Variants in SMAD6 observed in about 807,000 individuals in gnomAD.
SMAD6 encodes the protein MAD homolog 6.
A neutral mutation model predicts 39.4 loss-of-function variants in SMAD6; 103 were observed. The ratio of observed to expected loss-of-function variants is 2.62; its 90% CI spans 2.23 to 3.08. The LOEUF is 3.08. SMAD6 is among the 30% of genes most tolerant of loss of function. SMAD6 has a pLI of 0.00. For missense variants in SMAD6, 1,104 were observed against 742.9 expected (o/e 1.49, Z -5.65); for synonymous variants, 445 against 353.3 (o/e 1.26, Z -2.91).
intron 3 of SMAD6, among the ~76,000 whole-genome samples, chr15:66,744,116 C>T (rs1274794498): frequency 6.6e-6 from 1 of 152,196 alleles, no homozygotes; most frequent in African/African-American, 2.4e-5. Context: ...AAGGCTGTAT[C>T]CGTTTTCTCT....
In SMAD6 at chr15:66,750,429, C is replaced by G. The variant is rs1010202753; in HGVS notation, c.953-30568C>G. Among the ~76,000 whole-genome samples, 15 of 152,192 alleles carry G rather than the reference C, an allele frequency of 9.9e-5. 1 individual carries two copies. The highest frequency in any genetic ancestry group is 3.6e-4 in the African/African-American group (15 of 41,440). On this transcript the variant is annotated intron_variant, in intron 3 of 3. Transcript: ENST00000288840. ...AATGACTCATCCGAATTTCATTTTG[C>G]TCCATTTAAGGGAACATCCTCTGAG...
At position 66,703,949 on chromosome 15, in the gene SMAD6, C is replaced by A. The variant is rs1395007983; in HGVS notation, c.691C>A (p.Arg231Ser). The change falls in exon 1 of 4, where the codon CGC becomes AGC. Residue 231 changes from arginine to serine, a missense_variant. By Grantham distance (110) the Arg-to-Ser change is moderately radical (BLOSUM62 -1). Coordinates refer to ENST00000288840, the MANE Select transcript of SMAD6 (RefSeq NM_005585.5). ...GCAGCTGCTGCTCGGCCGCCTCTTTCGCTGGCCCGACCTGCAGCACGCCGT... is the reference window on the plus strand; with the variant it reads ...GCAGCTGCTGCTCGGCCGCCTCTTTAGCTGGCCCGACCTGCAGCACGCCGT... Reference protein sequence around the residue: ...PPQLLLGRLFRWPDLQHAVEL... With the variant: ...PPQLLLGRLFSWPDLQHAVEL... 2.1e-6 allele frequency: 3 copies of A among 1,407,514 alleles called. No homozygotes were observed. Among genetic ancestry groups the A allele is most frequent in the South Asian group, 1.5e-5 (1 of 67,358 alleles). The allele number at this position is 1,407,514 out of a possible 1,614,324, so 87.2% of individuals were successfully genotyped here. A position where few individuals can be genotyped will look rare whatever the true frequency, so the allele number is the denominator to read the frequency against.
chr15:66,781,088 G>A lies in SMAD6; in HGVS notation c.1044G>A (p.Ala348=), dbSNP rs780231782. The change falls in exon 4 of 4, where the codon GCG becomes GCA. Residue 348 remains alanine, a synonymous_variant. Coordinates refer to ENST00000288840, the MANE Select transcript of SMAD6 (RefSeq NM_005585.5). The part of the protein sequence containing the change: ...EHRTRVGRLY[A]VYDQAVSIFY... ...GGACGCGCGTGGGCCGCCTCTATGC[G>A]GTGTACGACCAGGCCGTCAGCATCT... is the stretch of plus-strand genomic sequence containing the variant. The A allele has an allele frequency of 3.1e-6, 5 of 1,607,838 alleles. No homozygotes were observed. The highest frequency in any genetic ancestry group is 1.1e-5 in the South Asian group (1 of 90,734).
At chr15:66,704,920 G>A (rs1893078400) in intron 1 of SMAD6, 1 of 152,622 alleles carries the variant, frequency 6.6e-6, no homozygotes, top group African/African-American at 2.4e-5. Flanking sequence ...GACAGGCAGA[G>A]GCCCCAGCAG....
intron 3 of SMAD6, among the ~76,000 whole-genome samples, chr15:66,755,111 G>GA (rs1894074238): frequency 6.6e-6 from 1 of 152,086 alleles, no homozygotes; most frequent in African/African-American, 2.4e-5. Context: ...GTTGTGTGCA[G>GA]AAAAAAAGCT....
At chr15:66,774,322 G>A (rs573454655) in intron 3 of SMAD6, among the ~76,000 whole-genome samples, 11 of 152,288 alleles carry the variant, frequency 7.2e-5, no homozygotes, top group African/African-American at 2.6e-4. Context: ...AGCACTCCCC[G>A]CCTCCCTCAG....
intron 3 of SMAD6, among the ~76,000 whole-genome samples, chr15:66,733,017 CT>C (rs979213710): frequency 8.6e-5 from 13 of 151,434 alleles, no homozygotes; most frequent in South Asian, 2.1e-4. Context: ...AGTCTAGGTT[CT>C]TTTTTTTCAT....
chr15:66,765,803 C>T (rs1329029931), intron 3 of SMAD6, among the ~76,000 whole-genome samples: 1 of 152,156 alleles, frequency 6.6e-6, no homozygotes, highest in Non-Finnish European at 1.5e-5. Flanking sequence ...TTATTTTTAA[C>T]TCTGGTGTTA....
intron 3 of SMAD6, among the ~76,000 whole-genome samples, chr15:66,736,318 C>T (rs73469902): frequency 0.028 from 4,202 of 152,268 alleles, 204 homozygotes; most frequent in African/African-American, 0.096. Flanking sequence ...TGGGGACATA[C>T]GCATACTAAA....
intron 2 of SMAD6, among the ~76,000 whole-genome samples, chr15:66,716,098 C>G (rs1893323820): frequency 6.6e-6 from 1 of 152,160 alleles, no homozygotes; most frequent in South Asian, 2.1e-4. Flanking sequence ...TTAATTTAAC[C>G]TTACCCACGG....
intron 2 of SMAD6, among the ~76,000 whole-genome samples, chr15:66,714,367 C>T (rs1329415423): frequency 6.6e-6 from 1 of 151,058 alleles, no homozygotes; most frequent in Non-Finnish European, 1.5e-5. Context: ...CTACGAATGG[C>T]CTTTATTTTT....
intron 1 of SMAD6, chr15:66,707,344 C>G (rs970960267): frequency 6.6e-6 from 1 of 151,940 alleles, no homozygotes; most frequent in Non-Finnish European, 1.5e-5. Flanking sequence ...GGAAGAGAGA[C>G]AGAGCGAGAG....
At chr15:66,708,151 C>T (rs1344479745) in intron 1 of SMAD6, 1 of 152,440 alleles carries the variant, frequency 6.6e-6, no homozygotes, top group Admixed American at 6.5e-5. Context: ...GTCTCCCTCT[C>T]TTTTCTTTCT....
intron 3 of SMAD6, among the ~76,000 whole-genome samples, chr15:66,777,134 T>C (rs1894480767): frequency 6.6e-6 from 1 of 152,216 alleles, no homozygotes; most frequent in African/African-American, 2.4e-5. Flanking sequence ...GTGTTGGGTC[T>C]CACTGGATAA....
At position 66,726,095 on chromosome 15, in the gene SMAD6, C is replaced by T. The variant is rs558028395; in HGVS notation, c.952+9597C>T. Among the ~76,000 whole-genome samples, 11 of 152,282 alleles carry T rather than the reference C, an allele frequency of 7.2e-5. No homozygotes were observed. In the South Asian group the frequency reaches 1.9e-3, roughly 26 times the overall value. ...TGGCCCCTGAGGAGGCTACTGGGCC[C>T]GAGGGATGTGCAGGGTCACTCCCAG... On this transcript the variant is annotated intron_variant, in intron 3 of 3. Transcript: ENST00000288840.
intron 3 of SMAD6, among the ~76,000 whole-genome samples, chr15:66,765,465 T>C (rs936651272): frequency 2.0e-5 from 3 of 152,204 alleles, no homozygotes; most frequent in Admixed American, 1.3e-4. Context: ...CCTCGTGATC[T>C]GCCTGCCTTG....
rs1892989084 is a variant in SMAD6 at position 66,702,377 on chromosome 15, TGCCTCGCCAG to T, written c.-881_-872del. The T allele has an allele frequency of 6.8e-6, 1 of 146,154 alleles. No individual in the cohort carries two copies. The highest frequency in any genetic ancestry group is 1.5e-5 in the Non-Finnish European group (1 of 66,746). The allele number at this position is 146,154 out of a possible 1,614,324, so 9.1% of individuals were successfully genotyped here. On this transcript the variant is annotated 5_prime_UTR_variant, in exon 1 of 4. It removes the in-frame stop codon of an upstream open reading frame in the 5' UTR. Coordinates refer to ENST00000288840, the MANE Select transcript of SMAD6 (RefSeq NM_005585.5). ...GCCGAGAGAAAGAGCCGCCGGGCGC[TGCCTCGCCAG>T]ACCTCGCTGGGACCCCGGGGCCACC...
At chr15:66,704,479 A>G (rs1302066797) in intron 1 of SMAD6, 1 of 168,672 alleles carries the variant, frequency 5.9e-6, no homozygotes, top group Non-Finnish European at 1.3e-5. Flanking sequence ...ATTTGTATGC[A>G]CGTGCCCTTA....
At chr15:66,728,962 G>A (rs1893572902) in intron 3 of SMAD6, among the ~76,000 whole-genome samples, 2 of 152,208 alleles carry the variant, frequency 1.3e-5, no homozygotes, top group South Asian at 2.1e-4. Flanking sequence ...TACATTATAT[G>A]TGTGGTCAGC....
Sources: gnomAD v4.1 joint callset for allele counts (sites outside exome capture counted in the v4.1 genomes callset) on GRCh38, gnomAD v4.1.1 for gene constraint, MANE v1.5 for transcripts, NCBI Gene and HGNC (gene_info 2026-07-23, HGNC 2026-07-21) for gene names.